ENPP4: variants seen among roughly 807,000 people sequenced by gnomAD.
ENPP4 encodes ectonucleotide pyrophosphatase/phosphodiesterase 4.
A neutral mutation model predicts 33.4 loss-of-function variants in ENPP4; 18 were observed. The observed-to-expected ratio is 0.54, with a 90% CI of 0.37 to 0.80. The LOEUF (loss-of-function observed/expected upper bound fraction) is 0.80, where lower values mean the gene tolerates loss of function less well. Ranked by LOEUF, ENPP4 falls within the 30% of genes least tolerant of loss-of-function variation. The pLI, the probability that ENPP4 is intolerant of heterozygous loss-of-function variation, is 0.00. For synonymous variants in ENPP4, 172 were observed against 189.9 expected, an observed-to-expected ratio of 0.91 and a Z score of 0.78; for missense variants, 480 against 541.7, an observed-to-expected ratio of 0.89 and a Z score of 1.13.
At chr6:46,142,476 A>T (rs945541299) in intron 3 of ENPP4, among the ~76,000 whole-genome samples, 3 of 86,616 alleles carry the variant, frequency 3.5e-5, no homozygotes, top group Admixed American at 3.3e-4. Context: ...AAAAATATAT[A>T]TTTTTTTCTA....
intron 3 of ENPP4, among the ~76,000 whole-genome samples, chr6:46,142,342 AT>A (rs1469901997): frequency 8.4e-6 from 1 of 119,172 alleles, no homozygotes; most frequent in Admixed American, 8.8e-5. Context: ...ATGTAATATA[AT>A]TATATGTAAT....
intron 1 of ENPP4, among the ~76,000 whole-genome samples, chr6:46,138,059 T>TA (rs1764000889): frequency 1.3e-5 from 2 of 151,864 alleles, no homozygotes; most frequent in Admixed American, 1.3e-4. Context: ...GCATACCCGT[T>TA]ACCATGTTCA....
chr6:46,143,513 T>G lies in ENPP4; in HGVS notation c.1235T>G (p.Ile412Ser), dbSNP rs1018417597. The change falls in exon 4 of 4, where the codon ATC becomes AGC. Residue 412 changes from isoleucine to serine, a missense_variant. Transcript: ENST00000321037. ...INLPEAIAIV[I>S]GSLLVLTMLT... ...CTCCCAGAAGCCATCGCGATTGTTA[T>G]CGGTTCACTCTTGGTGTTAACCATG... 1.2e-6 allele frequency: 2 copies of G among 1,612,786 alleles called. No homozygotes were observed. Among genetic ancestry groups the G allele is most frequent in the African/African-American group, 2.7e-5 (2 of 74,824 alleles).
At chr6:46,143,235 A>G in intron 3 of ENPP4, 41 bp from the exon 4 acceptor site, 3 of 1,516,612 alleles carry the variant, frequency 2.0e-6, no homozygotes, top group Non-Finnish European at 2.6e-6. Context: ...TGTCCTAAAA[A>G]GTCTGATCTT....
intron 3 of ENPP4, 87 bp downstream of exon 3, chr6:46,141,309 T>A: frequency 1.1e-6 from 1 of 936,750 alleles, no homozygotes; most frequent in Non-Finnish European, 1.6e-6. Flanking sequence ...TACTTCGATT[T>A]AAAGAAGTTC....
intron 1 of ENPP4, among the ~76,000 whole-genome samples, chr6:46,138,741 G>C (rs1021021458): frequency 4.0e-5 from 6 of 151,836 alleles, no homozygotes; most frequent in Non-Finnish European, 7.4e-5. Flanking sequence ...CAAAGGCAGG[G>C]AGATTTATTA....
chr6:46,139,909 A>T lies in ENPP4; in HGVS notation c.326A>T (p.Asp109Val). The change falls in exon 2 of 4, where the codon GAT (aspartate) becomes GTT (valine). Residue 109 changes from aspartate to valine, a missense_variant. Asp to Val is a radical substitution (Grantham distance 152). Transcript: ENST00000321037. ...KKHFSDSNDK[D>V]PFWWNEAVPI... ...CACTTTTCTGACTCTAATGACAAGGATCCTTTTTGGTGGAATGAGGCAGTA... is the reference window on the plus strand; with the variant it reads ...CACTTTTCTGACTCTAATGACAAGGTTCCTTTTTGGTGGAATGAGGCAGTA... 6.2e-7 allele frequency: 1 copy of T among 1,612,874 alleles called. No individual in the cohort carries two copies. Among genetic ancestry groups the T allele is most frequent in the Non-Finnish European group, 8.5e-7 (1 of 1,179,154 alleles).
At position 46,145,123 on chromosome 6, in the gene ENPP4, T is replaced by C. The variant is rs1764124291; in HGVS notation, c.*1483T>C. On this transcript the variant is annotated 3_prime_UTR_variant, in exon 4 of 4. Coordinates refer to ENST00000321037, the MANE Select transcript of ENPP4 (RefSeq NM_014936.5). ...TTTTGACAATATAAAATAAACTTGGTAACTGTTTTACAAATATAAAAGTAT... is the reference window on the plus strand; with the variant it reads ...TTTTGACAATATAAAATAAACTTGGCAACTGTTTTACAAATATAAAAGTAT... 2.6e-6 allele frequency: 1 copy of C among 386,994 alleles called. No homozygotes were observed. The highest frequency in any genetic ancestry group is 4.6e-6 in the Non-Finnish European group (1 of 218,374). The allele number at this position is 386,994 out of a possible 1,614,324, so 24.0% of individuals were successfully genotyped here.
In ENPP4 at chr6:46,143,930, A is replaced by G. The variant is rs989177875; in HGVS notation, c.*290A>G. 4.3e-6 allele frequency: 1 copy of G among 230,204 alleles called. No homozygotes were observed. The highest frequency in any genetic ancestry group is 8.5e-6 in the Non-Finnish European group (1 of 117,808). The allele number at this position is 230,204 out of a possible 1,614,324, so 14.3% of individuals were successfully genotyped here. A position where few individuals can be genotyped will look rare whatever the true frequency, so the allele number is the denominator to read the frequency against. On this transcript the variant is annotated 3_prime_UTR_variant, in exon 4 of 4. Coordinates refer to ENST00000321037, the MANE Select transcript of ENPP4 (RefSeq NM_014936.5). ...AAATACTAAAAATGGCTTTTGAGAA[A>G]AATACTTCCTCTGCTTGTATTTTGC... is the stretch of plus-strand genomic sequence containing the variant.
In ENPP4 at chr6:46,144,485, G is replaced by A. The variant is rs1225779771; in HGVS notation, c.*845G>A. The A allele has an allele frequency of 6.6e-6, 1 of 152,104 alleles. No homozygotes were observed. The highest frequency in any genetic ancestry group is 2.4e-5 in the African/African-American group (1 of 41,372). 9.4% of individuals were successfully genotyped at this position (152,104 alleles called of 1,614,324 possible). On this transcript the variant is annotated 3_prime_UTR_variant, in exon 4 of 4. Transcript: ENST00000321037. ...ATAAGGAGGTCAGAGATGGACTGTGGCCAGGCTTCCACATTCCTGAAGCAC... is the reference window on the plus strand; with the variant it reads ...ATAAGGAGGTCAGAGATGGACTGTGACCAGGCTTCCACATTCCTGAAGCAC...
chr6:46,142,286 C>A (rs1764072807), intron 3 of ENPP4, among the ~76,000 whole-genome samples: 1 of 28,366 alleles, frequency 3.5e-5, no homozygotes, highest in African/African-American at 1.1e-4. Flanking sequence ...AATCTTTTTT[C>A]ATATATATAT....
In ENPP4 at chr6:46,143,466, A is replaced by T. The variant is rs779172532; in HGVS notation, c.1188A>T (p.Leu396Phe). The T allele has an allele frequency of 3.1e-6, 5 of 1,612,602 alleles. No homozygotes were observed. The change falls in exon 4 of 4, where the codon TTA becomes TTT. Residue 396 changes from leucine (L) to phenylalanine (F), a missense_variant. Coordinates refer to ENST00000321037, the MANE Select transcript of ENPP4 (RefSeq NM_014936.5). The part of the protein sequence containing the change: ...NGTFGHTKCL[L>F]VDQWCINLPE... Reference sequence around the variant, plus strand: ...CCTTTGGTCATACTAAGTGCTTGTTAGTTGACCAGTGGTGCATTAATCTCC... The same window carrying T: ...CCTTTGGTCATACTAAGTGCTTGTTTGTTGACCAGTGGTGCATTAATCTCC...
intron 2 of ENPP4, 80 bp from the exon 3 acceptor site, chr6:46,140,972 C>T: frequency 1.2e-6 from 1 of 842,346 alleles, no homozygotes; most frequent in East Asian, 2.6e-5. Flanking sequence ...CTATAATTTA[C>T]TTCCAATTAT....
chr6:46,137,700 G>A (rs1011053540), intron 1 of ENPP4, among the ~76,000 whole-genome samples: 1 of 151,762 alleles, frequency 6.6e-6, no homozygotes, highest in African/African-American at 2.4e-5. Context: ...AGGTGGTTTT[G>A]TTACTCTGCA....
rs201994564 is a variant in ENPP4 at position 46,140,351 on chromosome 6, T to A, written c.768T>A (p.Asp256Glu). Residue 256 changes from aspartate (D) to glutamate (E), a missense_variant, in exon 2 of 4, where the codon GAT becomes GAA. By Grantham distance (45) the Asp-to-Glu change is conservative. Around this residue, in one of 3 missense-constraint regions of ENPP4, gnomAD observed 249 missense variants for 251.8 expected, o/e 0.99. Coordinates refer to ENST00000321037, the MANE Select transcript of ENPP4 (RefSeq NM_014936.5). ...DRLINLDSCI[D>E]HSYYTLIDLS... ...TGATAAACCTGGATTCCTGCATCGA[T>A]CATTCATACTACACTCTTATAGATT... 2.2e-5 allele frequency: 36 copies of A among 1,609,388 alleles called. No homozygotes were observed. The East Asian group carries it at 7.8e-4, about 35-fold the overall frequency.
In ENPP4 at chr6:46,143,637, G is replaced by A. The variant is rs756751441; in HGVS notation, c.1359G>A (p.Gly453=). 6 of 1,606,792 alleles carry A rather than the reference G, an allele frequency of 3.7e-6. No individual in the cohort carries two copies. The East Asian group carries it at 6.7e-5, about 18-fold the overall frequency. ...LQEDDDDPLI[G] ...AAGATGATGATGATCCTTTAATTGG[G>A]TGACATGTGCTAGGGCTTATACAAA... Residue 453 remains glycine, a synonymous_variant, in exon 4 of 4, where the codon GGG becomes GGA. Transcript: ENST00000321037.
chr6:46,142,392 A>AATATATATAATGTATATTATATATATATT (rs1317962517), intron 3 of ENPP4, among the ~76,000 whole-genome samples: 1 of 83,638 alleles, frequency 1.2e-5, no homozygotes, highest in Non-Finnish European at 2.4e-5. Flanking sequence ...TATTATATAT[A>AATATATATAATGTATATTATATATATATT]ATATATAATT....
chr6:46,131,283 A>T (rs1368798313), intron 1 of ENPP4, among the ~76,000 whole-genome samples: 2 of 152,072 alleles, frequency 1.3e-5, no homozygotes, highest in African/African-American at 4.8e-5. Flanking sequence ...AGCATTAGGT[A>T]TATCTCCCAA....
intron 3 of ENPP4, among the ~76,000 whole-genome samples, chr6:46,141,839 G>T (rs9395158): frequency 0.45 from 67,749 of 151,180 alleles, 16,430 homozygotes; most frequent in Middle Eastern, 0.68. Context: ...CTAATTTTGT[G>T]GTCTATGGTA....
Sources: gnomAD v4.1 joint callset for allele counts (sites outside exome capture counted in the v4.1 genomes callset) on GRCh38, gnomAD v4.1.1 for gene constraint, gnomAD v4.1.1 regional missense constraint, MANE v1.5 for transcripts, NCBI Gene and HGNC (gene_info 2026-07-23, HGNC 2026-07-21) for gene names.